GALNT18: variants seen among roughly 807,000 people sequenced by gnomAD.
GALNT18 encodes the protein GalNAc-transferase 18.
In GALNT18, 44 loss-of-function variants were observed where a neutral mutation model predicts 69.5. The observed-to-expected ratio is 0.63, with a 90% CI of 0.50 to 0.81. The LOEUF (loss-of-function observed/expected upper bound fraction) is 0.81. Ranked by LOEUF, GALNT18 falls within the 40% of genes least tolerant of loss-of-function variation. The probability of loss-of-function intolerance (pLI) is 0.00; values close to 1 mark genes in which losing one functional copy is unlikely to be tolerated. For synonymous variants in GALNT18, 364 were observed against 318.2 expected, an observed-to-expected ratio of 1.14 and a Z score of -1.53; for missense variants, 715 against 810.0, an observed-to-expected ratio of 0.88 and a Z score of 1.42.
At chr11:11,388,866 T>C (rs143331994) in intron 3 of GALNT18, among the ~76,000 whole-genome samples, 28 of 152,372 alleles carry the variant, frequency 1.8e-4, no homozygotes, top group African/African-American at 5.8e-4. Context: ...ACAATATTTA[T>C]AGCTAATGCT....
chr11:11,608,030 G>A (rs1037520195), intron 1 of GALNT18, among the ~76,000 whole-genome samples: 3 of 152,188 alleles, frequency 2.0e-5, no homozygotes, highest in Non-Finnish European at 2.9e-5. Flanking sequence ...TCAGAGCAGC[G>A]GTCAGTGACA....
At chr11:11,384,756 C>T (rs1038084594) in intron 3 of GALNT18, among the ~76,000 whole-genome samples, 27 of 152,288 alleles carry the variant, frequency 1.8e-4, no homozygotes, top group Admixed American at 1.0e-3. Flanking sequence ...TCTCAGACCC[C>T]CAGCCTCTGG....
intron 3 of GALNT18, among the ~76,000 whole-genome samples, chr11:11,426,714 TGAGGAGTGACAGG>T (rs1056142719): frequency 6.6e-6 from 1 of 151,182 alleles, no homozygotes; most frequent in African/African-American, 2.4e-5. Flanking sequence ...AGGGGTGGGG[TGAGGAGTGACAGG>T]GAGGAGTGCT....
intron 2 of GALNT18, among the ~76,000 whole-genome samples, chr11:11,437,444 G>A (rs1029137584): frequency 6.6e-6 from 1 of 152,158 alleles, no homozygotes; most frequent in Admixed American, 6.5e-5. Context: ...GAGATGCAGG[G>A]ATGGGGAGCA....
chr11:11,406,791 G>C (rs1046297890), intron 3 of GALNT18, among the ~76,000 whole-genome samples: 4 of 152,238 alleles, frequency 2.6e-5, no homozygotes, highest in Non-Finnish European at 5.9e-5. Flanking sequence ...AAAGGACATG[G>C]GAATTATCAA....
At chr11:11,326,624 G>A (rs1849924607) in intron 9 of GALNT18, among the ~76,000 whole-genome samples, 1 of 152,164 alleles carries the variant, frequency 6.6e-6, no homozygotes, top group Non-Finnish European at 1.5e-5. Context: ...AAGGACCATG[G>A]CTATAAATTT....
At chr11:11,398,004 G>T (rs1203158932) in intron 3 of GALNT18, among the ~76,000 whole-genome samples, 1 of 152,170 alleles carries the variant, frequency 6.6e-6, no homozygotes, top group Non-Finnish European at 1.5e-5. Context: ...GGAAGAGGAA[G>T]GAAATTAACA....
rs770082868 is a variant in GALNT18, at chr11:11,598,930, G to A, written c.235+22429C>T. Among the ~76,000 whole-genome samples the A allele has an allele frequency of 2.0e-5, 3 of 150,602 alleles. No individual in the cohort carries two copies. Among genetic ancestry groups the A allele is most frequent in the Non-Finnish European group, 4.4e-5 (3 of 67,718 alleles). ...TGTTATTGGTTCAATTACATTTCAC[G>A]TGGCCAGAGAATGTACTTTGTTCAT... On this transcript the variant is annotated intron_variant, in intron 1 of 10. Transcript: ENST00000227756. The surrounding 1 kb of genome is among the most constrained non-coding windows in gnomAD (Gnocchi z 4.8).
At chr11:11,390,558 G>C (rs775537381) in intron 3 of GALNT18, among the ~76,000 whole-genome samples, 22 of 152,216 alleles carry the variant, frequency 1.4e-4, no homozygotes, top group Non-Finnish European at 2.5e-4. Flanking sequence ...AATCACTGCT[G>C]CTCAGGCTGT....
chr11:11,287,973 C>T (rs1194569423), intron 10 of GALNT18, among the ~76,000 whole-genome samples: 1 of 152,196 alleles, frequency 6.6e-6, no homozygotes, highest in Non-Finnish European at 1.5e-5. Context: ...TGCATGTCCC[C>T]ACACCCCTGT....
At chr11:11,316,321 G>A (rs1218866881) in intron 9 of GALNT18, among the ~76,000 whole-genome samples, 2 of 152,152 alleles carry the variant, frequency 1.3e-5, no homozygotes, top group Admixed American at 1.3e-4. Context: ...AAAGGCCACA[G>A]AGAAGTGGCT....
At chr11:11,392,613 C>T (rs1246113747) in intron 3 of GALNT18, among the ~76,000 whole-genome samples, 1 of 152,090 alleles carries the variant, frequency 6.6e-6, no homozygotes, top group East Asian at 1.9e-4. Context: ...AAGCGAAACT[C>T]CTTCTCAAAA....
rs552874462 is a variant in GALNT18 at position 11,535,495 on chromosome 11, G to T, written c.235+85864C>A. Among the ~76,000 whole-genome samples the T allele has an allele frequency of 5.3e-5, 8 of 152,278 alleles. No individual in the cohort carries two copies. The East Asian group carries it at 1.2e-3, about 22-fold the overall frequency. Reference sequence around the variant, plus strand: ...TTCTGTGCTGCCCTTATTGTCCATGGAGGCCAAGTTCTGATGTCCTAGGGC... The same window carrying T: ...TTCTGTGCTGCCCTTATTGTCCATGTAGGCCAAGTTCTGATGTCCTAGGGC... On this transcript the variant is annotated intron_variant, in intron 1 of 10. Coordinates refer to ENST00000227756, the MANE Select transcript of GALNT18 (RefSeq NM_198516.3).
At chr11:11,336,361 G>C (rs1236051335) in intron 7 of GALNT18, among the ~76,000 whole-genome samples, 3 of 152,188 alleles carry the variant, frequency 2.0e-5, no homozygotes, top group African/African-American at 7.2e-5. Context: ...GGAGGCCTCA[G>C]CTTAGAAGGC....
At chr11:11,566,151 A>G (rs1183943145) in intron 1 of GALNT18, among the ~76,000 whole-genome samples, 1 of 152,218 alleles carries the variant, frequency 6.6e-6, no homozygotes, top group African/African-American at 2.4e-5. Context: ...TAGATACTGG[A>G]TTACACAAAC....
At position 11,603,579 on chromosome 11, in the gene GALNT18, G is replaced by A. The variant is rs148032621; in HGVS notation, c.235+17780C>T. Among the ~76,000 whole-genome samples, 2 of 152,200 alleles carry A rather than the reference G, an allele frequency of 1.3e-5. No individual in the cohort carries two copies. Among genetic ancestry groups the A allele is most frequent in the African/African-American group, 4.8e-5 (2 of 41,530 alleles). On this transcript the variant is annotated intron_variant, in intron 1 of 10. Coordinates refer to ENST00000227756, the MANE Select transcript of GALNT18 (RefSeq NM_198516.3). The surrounding 1 kb of genome is among the most constrained non-coding windows in gnomAD (Gnocchi z 4.5). ...CATCTGCCTAATTGCTTGAGATTGT[G>A]TCCAAACTGAATATTCATAATCTTC...
At chr11:11,292,546 C>T (rs910834182) in intron 10 of GALNT18, among the ~76,000 whole-genome samples, 12 of 152,138 alleles carry the variant, frequency 7.9e-5, no homozygotes, top group African/African-American at 2.9e-4. Flanking sequence ...GCGTGGAAGG[C>T]AGAGGGGGTT....
At position 11,332,862 on chromosome 11, in the gene GALNT18, C is replaced by G; in HGVS notation, c.1279-31G>C. On this transcript the variant is annotated intron_variant, in intron 7 of 10. Transcript: ENST00000227756. This position sits in a 1 kb window ranked among gnomAD's most constrained non-coding sequence, Gnocchi z 4.3. The stretch of plus-strand genomic sequence containing the variant: ...CAGGGACGCAGAAGCAGAGATGAAG[C>G]CACTCCCAGGTTGCAGCTTCTCCCC... The G allele has an allele frequency of 6.2e-7, 1 of 1,607,048 alleles. No homozygotes were observed. The highest frequency in any genetic ancestry group is 8.5e-7 in the Non-Finnish European group (1 of 1,178,634).
intron 6 of GALNT18, among the ~76,000 whole-genome samples, chr11:11,361,819 G>A (rs1363317831): frequency 1.3e-5 from 2 of 152,176 alleles, no homozygotes; most frequent in Admixed American, 6.5e-5. Flanking sequence ...AGTCCAGCAC[G>A]AAAGAAGAGG....
Sources: gnomAD v4.1 joint callset for allele counts (sites outside exome capture counted in the v4.1 genomes callset) on GRCh38, gnomAD v4.1.1 for gene constraint, Gnocchi (gnomAD v3.1) non-coding constraint, MANE v1.5 for transcripts, NCBI Gene and HGNC (gene_info 2026-07-23, HGNC 2026-07-21) for gene names.